The following SHROOM3 variants were observed in gnomAD, a reference collection of about 807,000 sequenced individuals.
SHROOM3 encodes shroom family member 3, also known as protein Shroom3.
In SHROOM3, 47 loss-of-function variants were observed where a neutral mutation model predicts 138.6. The observed-to-expected ratio is 0.34, with a 90% CI of 0.27 to 0.43. The LOEUF (loss-of-function observed/expected upper bound fraction) is 0.43. Among genes scored for constraint, SHROOM3 ranks in the 20% least tolerant of loss-of-function variants. The pLI is 1.00. For synonymous variants in SHROOM3, 1,062 were observed against 1,063.3 expected (o/e 1.00, Z 0.02); for missense variants, 2,491 against 2,596.5 (o/e 0.96, Z 0.88).
intron 2 of SHROOM3, among the ~76,000 whole-genome samples, chr4:76,624,616 C>T (rs893609127): frequency 6.6e-6 from 1 of 152,060 alleles, no homozygotes; most frequent in Non-Finnish European, 1.5e-5. Flanking sequence ...CTCTCTGTTA[C>T]GTTTTTAAAA....
At chr4:76,591,850 T>C (rs1483595651) in intron 2 of SHROOM3, among the ~76,000 whole-genome samples, 1 of 152,242 alleles carries the variant, frequency 6.6e-6, no homozygotes, top group African/African-American at 2.4e-5. Flanking sequence ...GCCTACCATG[T>C]ATCAGCTGGG....
rs1721224559 is a variant in SHROOM3 at position 76,740,809 on chromosome 4, A to G, written c.2636A>G (p.Gln879Arg). ...GGASDSGRGP[Q>R]RPDARLLRSQ... ...GCGTCGGACAGCGGCCGTGGCCCCC[A>G]GAGGCCGGACGCTCGGCTCCTCCGT... The change falls in exon 5 of 11, where the codon CAG becomes CGG. Residue 879 changes from glutamine to arginine, a missense_variant. Physicochemically the swap from Gln to Arg is conservative, Grantham distance 43. This residue lies in a region of SHROOM3 where 1,733 missense variants were observed against 1,661.6 expected (regional missense o/e 1.04). Transcript: ENST00000296043. This position sits in a 1 kb window ranked among gnomAD's most constrained non-coding sequence, Gnocchi z 4.0. 6.2e-7 allele frequency: 1 copy of G among 1,608,012 alleles called. No homozygotes were observed. The highest frequency in any genetic ancestry group is 1.1e-5 in the South Asian group (1 of 90,702).
At chr4:76,733,490 A>G (rs967522153) in intron 4 of SHROOM3, among the ~76,000 whole-genome samples, 1 of 152,254 alleles carries the variant, frequency 6.6e-6, no homozygotes, top group South Asian at 2.1e-4. Context: ...AGGCGTGTGC[A>G]TTCTCTCCTG....
At chr4:76,707,688 C>G (rs1204714833) in intron 2 of SHROOM3, among the ~76,000 whole-genome samples, 1 of 151,998 alleles carries the variant, frequency 6.6e-6, no homozygotes, top group Non-Finnish European at 1.5e-5. Context: ...GAAGGAAGGG[C>G]AAAGAAACAA....
At chr4:76,710,937 A>G (rs1267703180) in intron 3 of SHROOM3, among the ~76,000 whole-genome samples, 2 of 152,166 alleles carry the variant, frequency 1.3e-5, no homozygotes, top group African/African-American at 4.8e-5. Flanking sequence ...CTCTACACCA[A>G]TGCCTCAGCA....
intron 3 of SHROOM3, among the ~76,000 whole-genome samples, chr4:76,713,990 A>C (rs962505252): frequency 6.6e-6 from 1 of 152,190 alleles, no homozygotes; most frequent in Non-Finnish European, 1.5e-5. Context: ...TTACGCTCAG[A>C]TCCTACATCC....
At chr4:76,565,466 T>C (rs1179807802) in intron 2 of SHROOM3, among the ~76,000 whole-genome samples, 1 of 152,198 alleles carries the variant, frequency 6.6e-6, no homozygotes, top group Non-Finnish European at 1.5e-5. Context: ...AATTCCTGGC[T>C]CCTACCTCCA....
chr4:76,678,785 C>T lies in SHROOM3; in HGVS notation c.324-31371C>T, dbSNP rs529223241. On this transcript the variant is annotated intron_variant, in intron 2 of 10. Transcript: ENST00000296043. ...AAGCAATTCTCCTGCCTCAGCCTCCCGAGTAGCTGGGATTACAGGTGCCTG... is the reference window on the plus strand; with the variant it reads ...AAGCAATTCTCCTGCCTCAGCCTCCTGAGTAGCTGGGATTACAGGTGCCTG... Among the ~76,000 whole-genome samples, 7 of 152,232 alleles carry T rather than the reference C, an allele frequency of 4.6e-5. No individual in the cohort carries two copies. The East Asian group carries it at 5.8e-4, about 13-fold the overall frequency.
chr4:76,681,651 T>C (rs1213709526), intron 2 of SHROOM3, among the ~76,000 whole-genome samples: 3 of 37,258 alleles, frequency 8.1e-5, no homozygotes, highest in East Asian at 2.3e-3. Context: ...CTGGATGAGA[T>C]TGAACCTTTG....
rs745404161 is a variant in SHROOM3 at position 76,740,576 on chromosome 4, C to T, written c.2403C>T (p.Gly801=). 3.1e-6 allele frequency: 5 copies of T among 1,614,092 alleles called. No individual in the cohort carries two copies. In the East Asian group the frequency reaches 6.7e-5, roughly 22 times the overall value. ...AAGGGAGCCAGAGACCGAGTGTGGG[C>T]GGCTCTGGTTTTGGCCATAACTATA... ...REQGSQRPSV[G]GSGFGHNYRP... Residue 801 remains glycine (G), a synonymous_variant, in exon 5 of 11, where the codon GGC becomes GGT. Coordinates refer to ENST00000296043, the MANE Select transcript of SHROOM3 (RefSeq NM_020859.4). This position sits in a 1 kb window ranked among gnomAD's most constrained non-coding sequence, Gnocchi z 4.0.
intron 2 of SHROOM3, among the ~76,000 whole-genome samples, chr4:76,615,960 A>G (rs1481943110): frequency 6.6e-6 from 1 of 152,138 alleles, no homozygotes; most frequent in Non-Finnish European, 1.5e-5. Flanking sequence ...GAAGACTCAG[A>G]GGGGTTGTGT....
Position 76,740,942 on chromosome 4 carries a change from C to T in SHROOM3, c.2769C>T (p.Ala923=). 6.7e-7 allele frequency: 1 copy of T among 1,497,054 alleles called. No homozygotes were observed. Among genetic ancestry groups the T allele is most frequent in the Non-Finnish European group, 8.9e-7 (1 of 1,126,354 alleles). The allele number at this position is 1,497,054 out of a possible 1,614,324, so 92.7% of individuals were successfully genotyped here. A position where few individuals can be genotyped will look rare whatever the true frequency, so the allele number is the denominator to read the frequency against. Residue 923 remains alanine, a synonymous_variant, in exon 5 of 11, where the codon GCC becomes GCT. Transcript: ENST00000296043. The surrounding 1 kb of genome is among the most constrained non-coding windows in gnomAD (Gnocchi z 4.0). ...SPLLDAPFSR[A]YRNSIKDAQS... ...TGCTGGATGCCCCCTTCAGCCGCGC[C>T]TACCGGAACAGCATCAAGGACGCAC... is the stretch of plus-strand genomic sequence containing the variant.
intron 2 of SHROOM3, among the ~76,000 whole-genome samples, chr4:76,704,643 A>T (rs148936409): frequency 2.6e-5 from 4 of 152,370 alleles, no homozygotes; most frequent in African/African-American, 9.6e-5. Flanking sequence ...GAGGGGCAGG[A>T]GCCACGTCAC....
In SHROOM3 at chr4:76,740,041, C is replaced by T. The variant is rs767519114; in HGVS notation, c.1868C>T (p.Ser623Leu). 51 of 1,613,782 alleles carry T rather than the reference C, an allele frequency of 3.2e-5. No homozygotes were observed. Among genetic ancestry groups the T allele is most frequent in the Non-Finnish European group, 4.3e-5 (51 of 1,180,050 alleles). Reference sequence around the variant, plus strand: ...GAAGACAAGAGATCTTCCAGGCTCTCAGAGCCCTGGGAGGGCGATTTCCAG... The same window carrying T: ...GAAGACAAGAGATCTTCCAGGCTCTTAGAGCCCTGGGAGGGCGATTTCCAG... ...AGEDKRSSRL[S>L]EPWEGDFQED... is the part of the protein sequence containing the mutation. The change falls in exon 5 of 11, where the codon TCA (serine) becomes TTA (leucine). Residue 623 changes from serine (S) to leucine (L), a missense_variant. Physicochemically the swap from Ser to Leu is moderately radical, Grantham distance 145 (BLOSUM62 -2). Transcript: ENST00000296043. This position sits in a 1 kb window ranked among gnomAD's most constrained non-coding sequence, Gnocchi z 4.0.
chr4:76,672,773 C>A (rs1036068707), intron 2 of SHROOM3, among the ~76,000 whole-genome samples: 2 of 152,104 alleles, frequency 1.3e-5, no homozygotes, highest in African/African-American at 4.8e-5. Context: ...AGGGTTTCAC[C>A]ATGTTAGCCA....
chr4:76,639,177 A>G (rs769669701), intron 2 of SHROOM3, among the ~76,000 whole-genome samples: 4 of 152,004 alleles, frequency 2.6e-5, no homozygotes, highest in African/African-American at 7.3e-5. Context: ...GTTCTAAATA[A>G]CCCCAATGGA....
At chr4:76,580,807 G>C (rs1203915647) in intron 2 of SHROOM3, among the ~76,000 whole-genome samples, 2 of 152,182 alleles carry the variant, frequency 1.3e-5, no homozygotes, top group African/African-American at 4.8e-5. Flanking sequence ...CTCCCTAGTG[G>C]AGTGGTTGAG....
intron 1 of SHROOM3, among the ~76,000 whole-genome samples, chr4:76,552,255 T>C (rs1185917313): frequency 2.7e-5 from 4 of 150,654 alleles, no homozygotes; most frequent in Admixed American, 2.6e-4. Flanking sequence ...GCCTGTAATC[T>C]CACCACTTTG....
chr4:76,741,394 C>T lies in SHROOM3; in HGVS notation c.3221C>T (p.Ser1074Leu), dbSNP rs759608096. ...DGKACSTLSL[S>L]GPELKQFQQS... ...AAGGCCTGCTCCACGCTCAGCCTGTCGGGGCCCGAGCTGAAGCAGTTCCAG... is the reference window on the plus strand; with the variant it reads ...AAGGCCTGCTCCACGCTCAGCCTGTTGGGGCCCGAGCTGAAGCAGTTCCAG... The change falls in exon 5 of 11, where the codon TCG (serine) becomes TTG (leucine). Residue 1074 changes from serine to leucine, a missense_variant. Ser to Leu is a moderately radical substitution (Grantham distance 145). Around this residue, in one of 4 missense-constraint regions of SHROOM3, gnomAD observed 1,733 missense variants for 1,661.6 expected, o/e 1.04. Coordinates refer to ENST00000296043, the MANE Select transcript of SHROOM3 (RefSeq NM_020859.4). The surrounding 1 kb of genome is among the most constrained non-coding windows in gnomAD (Gnocchi z 6.2). 3 of 1,600,996 alleles carry T rather than the reference C, an allele frequency of 1.9e-6. No homozygotes were observed. The highest frequency in any genetic ancestry group is 2.3e-5 in the East Asian group (1 of 44,270).
Sources: gnomAD v4.1 joint callset for allele counts (sites outside exome capture counted in the v4.1 genomes callset) on GRCh38, gnomAD v4.1.1 for gene constraint, gnomAD v4.1.1 regional missense constraint, Gnocchi (gnomAD v3.1) non-coding constraint, MANE v1.5 for transcripts, NCBI Gene and HGNC (gene_info 2026-07-23, HGNC 2026-07-21) for gene names.